Variants in LAMA2 observed in about 807,000 individuals in gnomAD.
LAMA2 encodes laminin subunit alpha 2.
A neutral mutation model predicts 364.8 loss-of-function variants in LAMA2; 269 were observed. The observed-to-expected ratio is 0.74, with a 90% CI of 0.67 to 0.82. The LOEUF (loss-of-function observed/expected upper bound fraction) is 0.82, where lower values mean the gene tolerates loss of function less well. Ranked by LOEUF, LAMA2 falls within the 40% of genes least tolerant of loss-of-function variation. LAMA2 has a pLI of 0.00. For synonymous variants in LAMA2, 1,379 were observed against 1,370.6 expected, an observed-to-expected ratio of 1.01 and a Z score of -0.14; for missense variants, 3,807 against 3,873.2, an observed-to-expected ratio of 0.98 and a Z score of 0.45.
At chr6:128,977,806 G>A (rs1444474520) in intron 1 of LAMA2, among the ~76,000 whole-genome samples, 1 of 152,122 alleles carries the variant, frequency 6.6e-6, no homozygotes, top group Non-Finnish European at 1.5e-5. Context: ...TAATCTTACA[G>A]TGGAGGAAGA....
intron 12 of LAMA2, among the ~76,000 whole-genome samples, chr6:129,248,874 A>G (rs984972048): frequency 2.6e-5 from 4 of 152,194 alleles, no homozygotes; most frequent in Non-Finnish European, 2.9e-5. Flanking sequence ...ATTACTCACA[A>G]TAATGCCAAG....
At chr6:129,231,180 T>C (rs371511203) in intron 12 of LAMA2, among the ~76,000 whole-genome samples, 31 of 152,242 alleles carry the variant, frequency 2.0e-4, no homozygotes, top group African/African-American at 7.2e-4. Flanking sequence ...AAATTACTTA[T>C]GCAAATGCAA....
chr6:129,419,803 C>T (rs1365555113), intron 40 of LAMA2, among the ~76,000 whole-genome samples: 2 of 152,056 alleles, frequency 1.3e-5, no homozygotes, highest in African/African-American at 2.4e-5. Context: ...GTATGCTATG[C>T]GATGCCAGGG....
chr6:129,497,918 A>T (rs1226614911), intron 58 of LAMA2, among the ~76,000 whole-genome samples: 1 of 152,242 alleles, frequency 6.6e-6, no homozygotes, highest in Non-Finnish European at 1.5e-5. Flanking sequence ...TCTTTAGCCC[A>T]TCGAGAGCTA....
intron 40 of LAMA2, among the ~76,000 whole-genome samples, chr6:129,416,683 G>GCC (rs1479189472): frequency 2.0e-5 from 3 of 152,192 alleles, no homozygotes; most frequent in Non-Finnish European, 4.4e-5. Flanking sequence ...TGGCACCTTT[G>GCC]CCTGAGTTTT....
At chr6:129,211,172 A>G (rs1175924861) in intron 12 of LAMA2, among the ~76,000 whole-genome samples, 2 of 152,200 alleles carry the variant, frequency 1.3e-5, no homozygotes, top group Non-Finnish European at 2.9e-5. Flanking sequence ...AATATGGTAA[A>G]GTGACTCCAT....
chr6:129,513,763 C>CTAAG (rs1297899483), intron 63 of LAMA2, among the ~76,000 whole-genome samples: 2 of 152,140 alleles, frequency 1.3e-5, no homozygotes, highest in East Asian at 1.9e-4. Flanking sequence ...AACTTCTAGT[C>CTAAG]TAAGTTCTTC....
At chr6:129,375,657 G>C (rs569511293) in intron 34 of LAMA2, among the ~76,000 whole-genome samples, 118 of 152,240 alleles carry the variant, frequency 7.8e-4, no homozygotes, top group Middle Eastern at 3.4e-3. Context: ...CAAAGTCGGT[G>C]TTCCTTGGGG....
At chr6:129,273,489 A>AT (rs1383134549) in intron 17 of LAMA2, among the ~76,000 whole-genome samples, 2 of 152,180 alleles carry the variant, frequency 1.3e-5, no homozygotes, top group East Asian at 1.9e-4. Flanking sequence ...TTGATTGAGT[A>AT]TGCAAACCCT....
intron 12 of LAMA2, among the ~76,000 whole-genome samples, chr6:129,219,540 T>C (rs368602625): frequency 1.9e-4 from 28 of 150,492 alleles, no homozygotes; most frequent in Middle Eastern, 3.4e-3. Flanking sequence ...ATGTTTATTG[T>C]GGCACTATTC....
chr6:129,451,164 T>A (rs1437706507), intron 45 of LAMA2, among the ~76,000 whole-genome samples: 5 of 152,224 alleles, frequency 3.3e-5, no homozygotes, highest in African/African-American at 1.2e-4. Context: ...TGCTTTGCCA[T>A]ATTAACATCC....
At chr6:129,398,734 A>G (rs1779800517) in intron 37 of LAMA2, among the ~76,000 whole-genome samples, 2 of 151,980 alleles carry the variant, frequency 1.3e-5, no homozygotes, top group Admixed American at 1.3e-4. Context: ...TTGGCCTCCC[A>G]AAGTGCTGGG....
chr6:128,938,327 T>C (rs1779954857), intron 1 of LAMA2, among the ~76,000 whole-genome samples: 1 of 152,152 alleles, frequency 6.6e-6, no homozygotes, highest in Non-Finnish European at 1.5e-5. Context: ...GCATACAGTA[T>C]TTATTATTTT....
chr6:129,206,697 G>T (rs537881127), intron 12 of LAMA2, among the ~76,000 whole-genome samples: 2 of 152,278 alleles, frequency 1.3e-5, no homozygotes, highest in Admixed American at 6.5e-5. Flanking sequence ...CAAAGCAGTT[G>T]CTCTCTTTCC....
chr6:129,450,143 A>G (rs139354412), intron 45 of LAMA2, among the ~76,000 whole-genome samples: 122 of 148,534 alleles, frequency 8.2e-4, no homozygotes, highest in African/African-American at 2.9e-3. Flanking sequence ...TCAACACACT[A>G]ATCATGGAAT....
At chr6:129,017,396 A>T (rs1785145384) in intron 1 of LAMA2, among the ~76,000 whole-genome samples, 1 of 152,046 alleles carries the variant, frequency 6.6e-6, no homozygotes, top group South Asian at 2.1e-4. Context: ...ACATATTTAC[A>T]TATGTACATC....
intron 16 of LAMA2, among the ~76,000 whole-genome samples, chr6:129,269,838 G>A (rs538554133): frequency 6.6e-6 from 1 of 152,104 alleles, no homozygotes; most frequent in South Asian, 2.1e-4. Context: ...GCATTATTAA[G>A]GCAACTATTC....
intron 4 of LAMA2, among the ~76,000 whole-genome samples, chr6:129,107,841 G>A (rs2114893360): frequency 6.6e-6 from 1 of 152,212 alleles, no homozygotes; most frequent in East Asian, 1.9e-4. Flanking sequence ...CACCAGAAAG[G>A]TACAAAGCTA....
chr6:129,292,930 A>G, intron 20 of LAMA2: 1 of 985,954 alleles, frequency 1.0e-6, no homozygotes, highest in South Asian at 4.7e-5. Context: ...GTAGGGAAAC[A>G]GTGCAACCTC....
Sources: allele counts gnomAD v4.1 joint callset (sites outside exome capture counted in the v4.1 genomes callset), GRCh38; gene constraint gnomAD v4.1.1; transcripts MANE v1.5; gene names NCBI Gene and HGNC (gene_info 2026-07-23, HGNC 2026-07-21).